Variants in EPHA7 observed in about 807,000 individuals in gnomAD.
EPHA7 encodes EPH receptor A7, also known as ephrin type-A receptor 7.
EPHA7 carries 25 observed loss-of-function variants against 112.6 expected under a neutral mutation model. That is an observed-to-expected ratio of 0.22 (90% CI 0.16 to 0.31). The LOEUF is 0.31. EPHA7 is among the 10% of genes least tolerant of loss of function. The pLI is 1.00. For missense variants in EPHA7, 962 were observed against 1,212.6 expected (o/e 0.79, Z 3.07); for synonymous variants, 437 against 406.5 (o/e 1.07, Z -0.90).
chr6:93,414,792 T>C lies in EPHA7; in HGVS notation c.98-25A>G, dbSNP rs368100285. 6.3e-6 allele frequency: 10 copies of C among 1,599,046 alleles called. No homozygotes were observed. The African/African-American group carries it at 1.1e-4, about 17-fold the overall frequency. Reference sequence around the variant, plus strand: ...ACTGAAAAAGAAAGTTGTATTTCCATATGTTACATGAAACACTTACGCACA... The same window carrying C: ...ACTGAAAAAGAAAGTTGTATTTCCACATGTTACATGAAACACTTACGCACA... On this transcript the variant is annotated intron_variant, in intron 1 of 16. Transcript: ENST00000369303.
chr6:93,284,320 A>T (rs984642588), intron 5 of EPHA7, among the ~76,000 whole-genome samples: 1 of 138,670 alleles, frequency 7.2e-6, no homozygotes, highest in Non-Finnish European at 1.6e-5. Context: ...TTGCTCATTT[A>T]TTTTTTTTTT....
At chr6:93,250,605 A>C (rs970167893) in intron 14 of EPHA7, among the ~76,000 whole-genome samples, 3 of 152,134 alleles carry the variant, frequency 2.0e-5, no homozygotes, top group Non-Finnish European at 4.4e-5. Flanking sequence ...TTATTTTTCC[A>C]ATGAAAAAAT....
At chr6:93,353,888 T>C (rs1001869458) in intron 5 of EPHA7, among the ~76,000 whole-genome samples, 1 of 152,094 alleles carries the variant, frequency 6.6e-6, no homozygotes, top group Non-Finnish European at 1.5e-5. Context: ...ACACAAATAC[T>C]GGTAAAGGGT....
intron 5 of EPHA7, among the ~76,000 whole-genome samples, chr6:93,273,516 A>G (rs1771330968): frequency 6.6e-6 from 1 of 151,876 alleles, no homozygotes; most frequent in African/African-American, 2.4e-5. Flanking sequence ...TCTTGTATCA[A>G]TGTCTAAAAA....
intron 3 of EPHA7, among the ~76,000 whole-genome samples, chr6:93,384,956 C>G (rs1047744562): frequency 6.6e-6 from 1 of 152,110 alleles, no homozygotes; most frequent in Non-Finnish European, 1.5e-5. Context: ...ACTAGTTGCA[C>G]TACAAACACA....
intron 3 of EPHA7, among the ~76,000 whole-genome samples, chr6:93,401,977 C>T (rs1778455857): frequency 6.6e-6 from 1 of 151,812 alleles, no homozygotes; most frequent in Non-Finnish European, 1.5e-5. Context: ...AAATCAAATG[C>T]AAAATTTTAA....
rs1774504090 is a variant in EPHA7 at position 93,329,821 on chromosome 6, C to T, written c.1324+26896G>A. On this transcript the variant is annotated intron_variant, in intron 5 of 16. Coordinates refer to ENST00000369303, the MANE Select transcript of EPHA7 (RefSeq NM_004440.4). ...ACAAGACTCTTGCTTCACAGCCCATCTTCTTTCCATTACACTCATCAGCTG... is the reference window on the plus strand; with the variant it reads ...ACAAGACTCTTGCTTCACAGCCCATTTTCTTTCCATTACACTCATCAGCTG... 4.0e-5 allele frequency among the ~76,000 whole-genome samples: 6 copies of T among 151,238 alleles called. No homozygotes were observed. In the South Asian group the frequency reaches 1.2e-3, roughly 31 times the overall value.
chr6:93,346,873 A>G (rs960528141), intron 5 of EPHA7, among the ~76,000 whole-genome samples: 1 of 151,830 alleles, frequency 6.6e-6, no homozygotes, highest in African/African-American at 2.4e-5. Context: ...TCTTTACTCT[A>G]AAGTGGCTAT....
intron 14 of EPHA7, among the ~76,000 whole-genome samples, chr6:93,250,519 T>C (rs188170783): frequency 8.7e-4 from 132 of 152,230 alleles, no homozygotes; most frequent in African/African-American, 3.0e-3. Flanking sequence ...GGCCAGTCAG[T>C]ATCAGGTAGC....
chr6:93,412,064 C>T (rs774714873), intron 2 of EPHA7, among the ~76,000 whole-genome samples: 14 of 151,986 alleles, frequency 9.2e-5, no homozygotes, highest in Non-Finnish European at 1.6e-4. Context: ...AATATTCTGT[C>T]GCTCATTAAT....
At chr6:93,303,845 A>G (rs1773116434) in intron 5 of EPHA7, among the ~76,000 whole-genome samples, 1 of 152,172 alleles carries the variant, frequency 6.6e-6, no homozygotes, top group South Asian at 2.1e-4. Context: ...TATCGTCTAT[A>G]AGCCACCTTT....
At chr6:93,411,335 C>T (rs944120181) in intron 2 of EPHA7, among the ~76,000 whole-genome samples, 165 bp from the exon 3 acceptor site, 1 of 152,128 alleles carries the variant, frequency 6.6e-6, no homozygotes, top group African/African-American at 2.4e-5. Flanking sequence ...CTGCTTCATC[C>T]TGGTGGTGGA....
chr6:93,358,582 TCATCTTAA>T (rs1776079042), intron 3 of EPHA7, among the ~76,000 whole-genome samples, 171 bp from the exon 4 acceptor site: 1 of 152,206 alleles, frequency 6.6e-6, no homozygotes, highest in South Asian at 2.1e-4. Flanking sequence ...TTATGATAGT[TCATCTTAA>T]AACAAAATAA....
intron 5 of EPHA7, among the ~76,000 whole-genome samples, chr6:93,302,746 G>T (rs1451495142): frequency 2.0e-5 from 3 of 152,116 alleles, no homozygotes; most frequent in Admixed American, 1.3e-4. Context: ...ACTGGAGAGG[G>T]AAAAGGAGAA....
intron 5 of EPHA7, among the ~76,000 whole-genome samples, chr6:93,325,508 T>G (rs1339097376): frequency 6.6e-6 from 1 of 151,348 alleles, no homozygotes. Context: ...TAAAATTTAA[T>G]ATCTATCATC....
At chr6:93,397,212 T>C (rs554178357) in intron 3 of EPHA7, among the ~76,000 whole-genome samples, 3 of 151,790 alleles carry the variant, frequency 2.0e-5, no homozygotes, top group Non-Finnish European at 4.4e-5. Context: ...TTTAATGTCA[T>C]ATAGGCTGTG....
chr6:93,386,970 C>T (rs536731376), intron 3 of EPHA7, among the ~76,000 whole-genome samples: 8 of 152,102 alleles, frequency 5.3e-5, no homozygotes, highest in Non-Finnish European at 1.0e-4. Context: ...GGCCTCTGGA[C>T]CTGTGATGAC....
rs1770424346 is a variant in EPHA7, at chr6:93,255,966, A to G, written c.2244T>C (p.Tyr748=). The G allele has an allele frequency of 6.2e-7, 1 of 1,614,070 alleles. No homozygotes were observed. Among genetic ancestry groups the G allele is most frequent in the Non-Finnish European group, 8.5e-7 (1 of 1,180,004 alleles). ...MLRGIAAGMR[Y]LADMGYVHRD... is the part of the protein sequence containing the mutation. ...TGTGAACATATCCCATATCAGCCAA[A>G]TATCTCATTCCAGCAGCAATTCCTC... Residue 748 remains tyrosine (Y), a synonymous_variant, in exon 13 of 17, where the codon TAT becomes TAC. Coordinates refer to ENST00000369303, the MANE Select transcript of EPHA7 (RefSeq NM_004440.4).
At chr6:93,374,158 G>T (rs1329374981) in intron 3 of EPHA7, among the ~76,000 whole-genome samples, 1 of 152,102 alleles carries the variant, frequency 6.6e-6, no homozygotes, top group Non-Finnish European at 1.5e-5. Context: ...ACACTATGTA[G>T]TGCTAACTCC....
Sources: allele counts gnomAD v4.1 joint callset (sites outside exome capture counted in the v4.1 genomes callset), GRCh38; gene constraint gnomAD v4.1.1; transcripts MANE v1.5; gene names NCBI Gene and HGNC (gene_info 2026-07-23, HGNC 2026-07-21).